The following CYTH1 variants were observed in gnomAD, a reference collection of about 807,000 sequenced individuals.
CYTH1 encodes cytohesin 1, also known as cytohesin-1.
Under a neutral mutation model 61.8 loss-of-function variants are expected in CYTH1, and 18 were observed. That is an observed-to-expected ratio of 0.29 (90% CI 0.20 to 0.43). The LOEUF is 0.43. Among genes scored for constraint, CYTH1 ranks in the 20% least tolerant of loss-of-function variants. CYTH1 has a pLI of 1.00. For missense variants in CYTH1, 336 were observed against 510.5 expected, an observed-to-expected ratio of 0.66 and a Z score of 3.29; for synonymous variants, 174 against 184.3, an observed-to-expected ratio of 0.94 and a Z score of 0.45.
chr17:78,707,504 C>G (rs1021275566), intron 3 of CYTH1, among the ~76,000 whole-genome samples: 1 of 152,146 alleles, frequency 6.6e-6, no homozygotes, highest in African/African-American at 2.4e-5. Context: ...TCAGACATGA[C>G]TGGACACTCC....
Position 78,750,801 on chromosome 17 carries a change from C to CA in CYTH1, c.22+31400dup, listed in dbSNP as rs201658926. ...TGGGCGAGAGAGCGAGACTCCATCT[C>CA]AAAAAAAAAAAAAACAAAAATAGTC... is the stretch of plus-strand genomic sequence containing the variant. On this transcript the variant is annotated intron_variant, in intron 1 of 13. Coordinates refer to ENST00000446868, the MANE Select transcript of CYTH1 (RefSeq NM_004762.6). Among the ~76,000 whole-genome samples the CA allele has an allele frequency of 8.3e-3, 1,052 of 126,786 alleles. 11 individuals are homozygous for CA. The highest frequency in any genetic ancestry group is 0.062 in the East Asian group (281 of 4,508). 83.2% of individuals were successfully genotyped at this position (126,786 alleles called of 152,430 possible). A position where few individuals can be genotyped will look rare whatever the true frequency, so the allele number is the denominator to read the frequency against.
chr17:78,737,463 C>T (rs983333076), intron 1 of CYTH1, among the ~76,000 whole-genome samples: 2 of 152,042 alleles, frequency 1.3e-5, no homozygotes, highest in Admixed American at 6.5e-5. Flanking sequence ...ACTACATTTT[C>T]TTAAAATGGA....
At chr17:78,748,426 GACA>G (rs2093367510) in intron 1 of CYTH1, among the ~76,000 whole-genome samples, 1 of 152,214 alleles carries the variant, frequency 6.6e-6, no homozygotes, top group African/African-American at 2.4e-5. Flanking sequence ...TACTGTAGGG[GACA>G]ACAATGCCTA....
intron 1 of CYTH1, among the ~76,000 whole-genome samples, chr17:78,770,920 G>A (rs1262866504): frequency 3.3e-5 from 5 of 152,092 alleles, no homozygotes; most frequent in Admixed American, 3.3e-4. Context: ...TTGAGCTCAG[G>A]GGTTCAAGAC....
At chr17:78,688,831 C>A (rs1229091055) in intron 11 of CYTH1, among the ~76,000 whole-genome samples, 1 of 152,164 alleles carries the variant, frequency 6.6e-6, no homozygotes, top group African/African-American at 2.4e-5. Flanking sequence ...ACAAAGTGGG[C>A]TTGGCGAATG....
intron 1 of CYTH1, among the ~76,000 whole-genome samples, chr17:78,777,488 G>A (rs952030556): frequency 2.6e-5 from 4 of 152,272 alleles, no homozygotes; most frequent in South Asian, 2.1e-4. Context: ...CCACACAGGT[G>A]TAGTCTGAAC....
intron 1 of CYTH1, among the ~76,000 whole-genome samples, chr17:78,764,100 G>A (rs1404735036): frequency 6.6e-6 from 1 of 151,988 alleles, no homozygotes; most frequent in Non-Finnish European, 1.5e-5. Flanking sequence ...GACAGAGCGA[G>A]AGTCTGTCTC....
chr17:78,728,139 G>A (rs1461538717), intron 1 of CYTH1, among the ~76,000 whole-genome samples: 5 of 152,322 alleles, frequency 3.3e-5, no homozygotes, highest in Admixed American at 6.5e-5. Flanking sequence ...TCCTGCAGCA[G>A]GGCCAGCCTC....
intron 1 of CYTH1, among the ~76,000 whole-genome samples, chr17:78,735,141 G>C (rs759347392): frequency 5.9e-5 from 9 of 152,294 alleles, no homozygotes; most frequent in Non-Finnish European, 8.8e-5. Context: ...AAGGTTACTT[G>C]GTCAAAGCAA....
At position 78,720,517 on chromosome 17, in the gene CYTH1, C is replaced by T. The variant is rs186229220; in HGVS notation, c.23-10785G>A. Among the ~76,000 whole-genome samples the T allele has an allele frequency of 3.0e-3, 459 of 152,352 alleles. 3 individuals carry two copies. The highest frequency in any genetic ancestry group is 9.8e-3 in the African/African-American group (407 of 41,580). Reference sequence around the variant, plus strand: ...TATTTTTAGTAGAGACGGGGTTTCACCATGTTGGCCAGGCTGGTCTCAAAC... The same window carrying T: ...TATTTTTAGTAGAGACGGGGTTTCATCATGTTGGCCAGGCTGGTCTCAAAC... On this transcript the variant is annotated intron_variant, in intron 1 of 13. Transcript: ENST00000446868.
At position 78,760,415 on chromosome 17, in the gene CYTH1, ATATATATATACACATACATATATATATG is replaced by A. The variant is rs1567879176; in HGVS notation, c.22+21759_22+21786del. ...CACATACATATATATATGTGTATAT[ATATATATATACACATACATATATATATG>A]TATATATATATACATACATATATAT... On this transcript the variant is annotated intron_variant, in intron 1 of 13. Transcript: ENST00000446868. 4.9e-3 allele frequency among the ~76,000 whole-genome samples: 410 copies of A among 84,526 alleles called. 45 individuals are homozygous for A. The East Asian group carries it at 0.09, about 19-fold the overall frequency. The allele number at this position is 84,526 out of a possible 152,430, so 55.5% of individuals were successfully genotyped here.
chr17:78,757,975 A>G (rs1401926377), intron 1 of CYTH1, among the ~76,000 whole-genome samples: 1 of 152,186 alleles, frequency 6.6e-6, no homozygotes, highest in African/African-American at 2.4e-5. Context: ...GGATAAATTA[A>G]CAAGTATCAT....
At chr17:78,735,977 C>T (rs1384365) in intron 1 of CYTH1, among the ~76,000 whole-genome samples, 1 of 152,192 alleles carries the variant, frequency 6.6e-6, no homozygotes, top group Non-Finnish European at 1.5e-5. Context: ...AGCTTGTCAT[C>T]CCATTACTCA....
chr17:78,768,428 A>T (rs1282669662), intron 1 of CYTH1, among the ~76,000 whole-genome samples: 1 of 152,174 alleles, frequency 6.6e-6, no homozygotes, highest in Non-Finnish European at 1.5e-5. Context: ...CTCAAAGTGG[A>T]CACTGTACAA....
Position 78,702,096 on chromosome 17 carries a change from C to A in CYTH1, c.356+26G>T, listed in dbSNP as rs768687698. On this transcript the variant is annotated intron_variant, in intron 5 of 13. Transcript: ENST00000446868. ...GTCGTTCCTGAACAGCCTTCCCTAGCATGCGCATAATCCCCAAGGCCTTAC... is the reference window on the plus strand; with the variant it reads ...GTCGTTCCTGAACAGCCTTCCCTAGAATGCGCATAATCCCCAAGGCCTTAC... The A allele has an allele frequency of 3.9e-6, 6 of 1,539,788 alleles. No homozygotes were observed. In the Admixed American group the frequency reaches 6.8e-5, roughly 18 times the overall value.
intron 3 of CYTH1, among the ~76,000 whole-genome samples, chr17:78,706,450 C>T (rs1461971501): frequency 2.6e-5 from 4 of 152,252 alleles, no homozygotes; most frequent in Admixed American, 6.5e-5. Flanking sequence ...GAGATTCATC[C>T]GTGCTGCTGC....
At chr17:78,726,334 G>A (rs1038158488) in intron 1 of CYTH1, among the ~76,000 whole-genome samples, 2 of 151,920 alleles carry the variant, frequency 1.3e-5, no homozygotes, top group African/African-American at 2.4e-5. Context: ...GAGCCACCGC[G>A]CCCGGCCTCA....
At chr17:78,721,536 T>G (rs1293317275) in intron 1 of CYTH1, among the ~76,000 whole-genome samples, 1 of 152,190 alleles carries the variant, frequency 6.6e-6, no homozygotes, top group Non-Finnish European at 1.5e-5. Flanking sequence ...TATTAAAGGC[T>G]TTTATTACTG....
At position 78,731,576 on chromosome 17, in the gene CYTH1, G is replaced by A. The variant is rs907665184; in HGVS notation, c.23-21844C>T. Among the ~76,000 whole-genome samples, 12 of 152,066 alleles carry A rather than the reference G, an allele frequency of 7.9e-5. 1 individual carries two copies. Among genetic ancestry groups the A allele is most frequent in the East Asian group, 1.9e-4 (1 of 5,166 alleles). ...AGATCGAGACCATCCTAGCTAACAC[G>A]GTGAAACCCCGTCTCTACTAAAAAT... On this transcript the variant is annotated intron_variant, in intron 1 of 13. Coordinates refer to ENST00000446868, the MANE Select transcript of CYTH1 (RefSeq NM_004762.6).
Sources: gnomAD v4.1 joint callset for allele counts (sites outside exome capture counted in the v4.1 genomes callset) on GRCh38, gnomAD v4.1.1 for gene constraint, MANE v1.5 for transcripts, NCBI Gene and HGNC (gene_info 2026-07-23, HGNC 2026-07-21) for gene names.